The following FAM234B variants were observed in gnomAD, a reference collection of about 807,000 sequenced individuals.
The protein encoded by FAM234B is family with sequence similarity 234 member B.
FAM234B carries 33 observed loss-of-function variants against 69.3 expected under a neutral mutation model. That is an observed-to-expected ratio of 0.48 (90% CI 0.36 to 0.64). The LOEUF is 0.64. Ranked by LOEUF, FAM234B falls within the 30% of genes least tolerant of loss-of-function variation. FAM234B has a pLI of 0.00. For synonymous variants in FAM234B, 306 were observed against 306.9 expected, an observed-to-expected ratio of 1.00 and a Z score of 0.03; for missense variants, 697 against 769.7, an observed-to-expected ratio of 0.91 and a Z score of 1.12.
intron 9 of FAM234B, among the ~76,000 whole-genome samples, chr12:13,069,391 A>T (rs934684048): frequency 6.6e-6 from 1 of 152,206 alleles, no homozygotes; most frequent in Non-Finnish European, 1.5e-5. Context: ...ATCTATTTCT[A>T]TACATTGCAC....
At chr12:13,070,612 A>G (rs1175996583) in intron 9 of FAM234B, among the ~76,000 whole-genome samples, 1 of 152,202 alleles carries the variant, frequency 6.6e-6, no homozygotes, top group African/African-American at 2.4e-5. Context: ...TGCCAGGATT[A>G]TGAATTTGAA....
intron 9 of FAM234B, among the ~76,000 whole-genome samples, chr12:13,069,902 C>T (rs1208015983): frequency 6.6e-6 from 1 of 151,942 alleles, no homozygotes; most frequent in African/African-American, 2.4e-5. Flanking sequence ...CCAGTGCCTG[C>T]GTGTAATTCA....
intron 9 of FAM234B, among the ~76,000 whole-genome samples, chr12:13,071,021 C>G (rs993979937): frequency 3.3e-5 from 5 of 152,182 alleles, no homozygotes; most frequent in African/African-American, 1.2e-4. Flanking sequence ...CTTTGCAGTT[C>G]TTGAAATCTA....
rs1865208592 is a variant in FAM234B at position 13,080,148 on chromosome 12, C to T, written c.1863+139C>T. On this transcript the variant is annotated intron_variant, in intron 12 of 12. Transcript: ENST00000197268. Reference sequence around the variant, plus strand: ...TCAAGACAGTTGTTTTGGACCAACACTGTTTCCTATGGATGCCTTCTGACC... The same window carrying T: ...TCAAGACAGTTGTTTTGGACCAACATTGTTTCCTATGGATGCCTTCTGACC... The T allele has an allele frequency of 2.8e-5, 18 of 631,974 alleles. 1 individual carries two copies. The South Asian group carries it at 3.6e-4, about 13-fold the overall frequency. The allele number at this position is 631,974 out of a possible 1,614,324, so 39.1% of individuals were successfully genotyped here. A position where few individuals can be genotyped will look rare whatever the true frequency, so the allele number is the denominator to read the frequency against.
At chr12:13,077,003 T>C (rs1865169315) in intron 11 of FAM234B, among the ~76,000 whole-genome samples, 1 of 152,188 alleles carries the variant, frequency 6.6e-6, no homozygotes, top group Non-Finnish European at 1.5e-5. Context: ...CTCATTGGCC[T>C]TGGGCTGCAG....
In FAM234B at chr12:13,067,440, C is replaced by G; in HGVS notation, c.1142+144C>G. 2.3e-6 allele frequency: 2 copies of G among 866,098 alleles called. No homozygotes were observed. Among genetic ancestry groups the G allele is most frequent in the Non-Finnish European group, 3.6e-6 (2 of 560,980 alleles). The allele number at this position is 866,098 out of a possible 1,614,324, so 53.7% of individuals were successfully genotyped here. ...TTATCTTAATTTACCATCTTCTGAT[C>G]TGGTTAACATGAGTTAGAAATTTTC... On this transcript the variant is annotated intron_variant, in intron 7 of 12. Coordinates refer to ENST00000197268, the MANE Select transcript of FAM234B (RefSeq NM_020853.2). The surrounding 1 kb of genome is among the most constrained non-coding windows in gnomAD (Gnocchi z 4.7).
chr12:13,061,510 G>C, intron 3 of FAM234B, 65 bp from the exon 4 acceptor site: 2 of 1,416,586 alleles, frequency 1.4e-6, no homozygotes, highest in South Asian at 2.7e-5. Context: ...CTGGCCTCTT[G>C]TTCATCTCTG....
At chr12:13,057,269 C>T (rs1410711163) in intron 2 of FAM234B, among the ~76,000 whole-genome samples, 1 of 152,164 alleles carries the variant, frequency 6.6e-6, no homozygotes, top group Non-Finnish European at 1.5e-5. Flanking sequence ...TGAGCCACTG[C>T]ACCCAGCCTG....
Position 13,068,422 on chromosome 12 carries a change from G to T in FAM234B, c.1261G>T (p.Ala421Ser), listed in dbSNP as rs754996761. ...GGGGCAAAATCTGACACCTTACTGG[G>T]CATTGAGACTTCAAGGCCTGCGCAG... The part of the protein sequence containing the change: ...LRGQNLTPYW[A>S]LRLQGLRSQP... Residue 421 changes from alanine to serine, a missense_variant, in exon 8 of 13, where the codon GCA (alanine) becomes TCA (serine). Physicochemically the swap from Ala to Ser is moderately conservative, Grantham distance 99. Around this residue, in one of 3 missense-constraint regions of FAM234B, gnomAD observed 313 missense variants for 305.5 expected, o/e 1.02. Transcript: ENST00000197268. 1 of 1,614,136 alleles carries T rather than the reference G, an allele frequency of 6.2e-7. No homozygotes were observed.
At position 13,079,867 on chromosome 12, in the gene FAM234B, C is replaced by T; in HGVS notation, c.1721C>T (p.Ala574Val). The change falls in exon 12 of 13, where the codon GCC becomes GTC. Residue 574 changes from alanine to valine, a missense_variant. Ala to Val is a moderately conservative substitution (Grantham distance 64, BLOSUM62 0). Coordinates refer to ENST00000197268, the MANE Select transcript of FAM234B (RefSeq NM_020853.2). ...TGPSSEGHPA[A>V]LVVSKLSLRW... ...CCAAGCTCCGAAGGCCATCCAGCAG[C>T]CCTGGTGGTCAGCAAGCTTAGTCTA... is the stretch of plus-strand genomic sequence containing the variant. The T allele has an allele frequency of 6.2e-7, 1 of 1,614,060 alleles. No homozygotes were observed. The highest frequency in any genetic ancestry group is 8.5e-7 in the Non-Finnish European group (1 of 1,179,960).
intron 10 of FAM234B, among the ~76,000 whole-genome samples, chr12:13,073,286 C>T (rs1006359989): frequency 1.3e-5 from 2 of 152,060 alleles, no homozygotes; most frequent in African/African-American, 4.8e-5. Context: ...TGAGCCACCG[C>T]ACCCAGCCAA....
At chr12:13,075,687 C>T (rs1865151566) in intron 10 of FAM234B, among the ~76,000 whole-genome samples, 2 of 150,542 alleles carry the variant, frequency 1.3e-5, no homozygotes, top group Admixed American at 1.3e-4. Flanking sequence ...AACTCCTGAC[C>T]TCAGGTCATC....
At chr12:13,063,217 A>G (rs1267252420) in intron 5 of FAM234B, among the ~76,000 whole-genome samples, 1 of 152,174 alleles carries the variant, frequency 6.6e-6, no homozygotes. Context: ...TTAGGTCTGT[A>G]TGCGAATTCC....
chr12:13,050,334 A>G (rs552850883), intron 1 of FAM234B, among the ~76,000 whole-genome samples: 1 of 152,128 alleles, frequency 6.6e-6, no homozygotes, highest in Non-Finnish European at 1.5e-5. Context: ...TCCTCTTTGA[A>G]CTATTGTTTG....
Position 13,067,326 on chromosome 12 carries a change from T to C in FAM234B, c.1142+30T>C, listed in dbSNP as rs768937655. ...GGCAGACGTCTGTCCTTGGTCACAG[T>C]GAGATCTCTTGTGAACTCACATGCC... On this transcript the variant is annotated intron_variant, in intron 7 of 12. Transcript: ENST00000197268. The surrounding 1 kb of genome is among the most constrained non-coding windows in gnomAD (Gnocchi z 4.7). 6.2e-7 allele frequency: 1 copy of C among 1,612,400 alleles called. No homozygotes were observed.
At chr12:13,060,935 T>G (rs1319579779) in intron 3 of FAM234B, among the ~76,000 whole-genome samples, 3 of 152,202 alleles carry the variant, frequency 2.0e-5, no homozygotes, top group African/African-American at 7.2e-5. Context: ...TTTTCCTGAC[T>G]GGGACCAAAT....
chr12:13,047,973 T>A (rs1864829867), intron 1 of FAM234B, among the ~76,000 whole-genome samples: 1 of 152,216 alleles, frequency 6.6e-6, no homozygotes, highest in Non-Finnish European at 1.5e-5. Flanking sequence ...TAATCAAAAC[T>A]TGCAGTCTGT....
chr12:13,053,262 A>T (rs1864894018), intron 1 of FAM234B, among the ~76,000 whole-genome samples: 2 of 152,186 alleles, frequency 1.3e-5, no homozygotes, highest in Admixed American at 6.5e-5. Context: ...ACTTAATGTT[A>T]TAATTCTGTG....
At chr12:13,054,428 A>G (rs1864908244) in intron 1 of FAM234B, among the ~76,000 whole-genome samples, 1 of 152,198 alleles carries the variant, frequency 6.6e-6, no homozygotes, top group East Asian at 1.9e-4. Flanking sequence ...TCTGGTCTCC[A>G]TATAGTGTTT....
Sources: allele counts gnomAD v4.1 joint callset (sites outside exome capture counted in the v4.1 genomes callset), GRCh38; gene constraint gnomAD v4.1.1; regional missense constraint gnomAD v4.1.1; non-coding constraint Gnocchi (gnomAD v3.1); transcripts MANE v1.5; gene names NCBI Gene and HGNC (gene_info 2026-07-23, HGNC 2026-07-21).